The following CDC27 variants were observed in gnomAD, a reference collection of about 807,000 sequenced individuals.
CDC27 encodes the protein cell division cycle 27, also known as cell division cycle protein 27 homolog.
A neutral mutation model predicts 109.7 loss-of-function variants in CDC27; 27 were observed. That is an observed-to-expected ratio of 0.25 (90% CI 0.18 to 0.34). The LOEUF (loss-of-function observed/expected upper bound fraction) is 0.34. CDC27 is among the 10% of genes least tolerant of loss of function. CDC27 has a pLI of 1.00. For missense variants in CDC27, 579 were observed against 960.2 expected, an observed-to-expected ratio of 0.60 and a Z score of 5.25; for synonymous variants, 266 against 333.9, an observed-to-expected ratio of 0.80 and a Z score of 2.22.
chr17:47,180,633 A>G (rs954831986), intron 2 of CDC27, among the ~76,000 whole-genome samples: 4 of 152,114 alleles, frequency 2.6e-5, no homozygotes, highest in Non-Finnish European at 2.9e-5. Context: ...GCTGTACACA[A>G]TGATCTATAT....
intron 1 of CDC27, among the ~76,000 whole-genome samples, chr17:47,187,171 T>G (rs1357406715): frequency 6.6e-6 from 1 of 152,156 alleles, no homozygotes; most frequent in African/African-American, 2.4e-5. Context: ...AGAAGCAAAT[T>G]TGACATTTAA....
intron 4 of CDC27, 145 bp from the exon 5 acceptor site, chr17:47,158,448 C>A (rs1038636291): frequency 7.3e-5 from 30 of 410,112 alleles, no homozygotes; most frequent in Non-Finnish European, 1.3e-4. Flanking sequence ...TTTCTCCCAT[C>A]TGCTAATCTC....
chr17:47,121,015 C>T lies in CDC27; in HGVS notation c.2395G>A (p.Gly799Arg). Residue 799 changes from glycine (G) to arginine (R), a missense_variant and splice_region_variant, in exon 19 of 19, where the codon GGA becomes AGA. Transcript: ENST00000066544. ...EPITQEEQIM[G>R]TDESQESSMT... is the part of the protein sequence containing the mutation. ...CTGCTCTCCTGGGATTCATCTGTTCCCACTTTAAAAATAAAACAGAAGTCC... is the reference window on the plus strand; with the variant it reads ...CTGCTCTCCTGGGATTCATCTGTTCTCACTTTAAAAATAAAACAGAAGTCC... The T allele has an allele frequency of 6.2e-7, 1 of 1,606,874 alleles. No homozygotes were observed. The highest frequency in any genetic ancestry group is 8.5e-7 in the Non-Finnish European group (1 of 1,174,742).
intron 14 of CDC27, among the ~76,000 whole-genome samples, chr17:47,133,028 T>TATAC (rs1555783886): frequency 0.022 from 656 of 29,496 alleles, 2 homozygotes; most frequent in Non-Finnish European, 0.031. Flanking sequence ...TATATATATA[T>TATAC]ACACACACAC....
At chr17:47,123,387 C>G (rs1405455999) in intron 17 of CDC27, among the ~76,000 whole-genome samples, 2 of 147,230 alleles carry the variant, frequency 1.4e-5, no homozygotes, top group Non-Finnish European at 3.0e-5. Context: ...TCATGTTCTT[C>G]TACTTTTTTT....
At chr17:47,152,753 A>G (rs1162681650) in intron 8 of CDC27, among the ~76,000 whole-genome samples, 3 of 152,232 alleles carry the variant, frequency 2.0e-5, no homozygotes, top group Non-Finnish European at 2.9e-5. Flanking sequence ...ACCTTATTTT[A>G]GCCTTTCCTG....
intron 16 of CDC27, among the ~76,000 whole-genome samples, chr17:47,129,136 A>G (rs2062239155): frequency 6.6e-6 from 1 of 152,194 alleles, no homozygotes; most frequent in African/African-American, 2.4e-5. Flanking sequence ...TAACTTTAAG[A>G]TAACTACCTG....
chr17:47,132,748 TTATTATTA>T (rs1278405071), intron 14 of CDC27, among the ~76,000 whole-genome samples: 26 of 76,368 alleles, frequency 3.4e-4, no homozygotes, highest in Non-Finnish European at 6.8e-4. Flanking sequence ...CAGTTTATTA[TTATTATTA>T]TTATTATTAT....
intron 2 of CDC27, among the ~76,000 whole-genome samples, chr17:47,174,968 AACAGG>A (rs779367027): frequency 1.4e-3 from 161 of 116,152 alleles, no homozygotes; most frequent in Middle Eastern, 0.013. Flanking sequence ...GGACTATCGA[AACAGG>A]ACAGGACAGG....
At chr17:47,148,069 A>C (rs2148887481) in intron 9 of CDC27, among the ~76,000 whole-genome samples, 1 of 148,976 alleles carries the variant, frequency 6.7e-6, no homozygotes, top group East Asian at 2.0e-4. Context: ...GCAGTGGCAC[A>C]TGCCTGTAAT....
chr17:47,129,590 A>T, intron 15 of CDC27, 69 bp from the exon 16 acceptor site: 1 of 1,063,382 alleles, frequency 9.4e-7, no homozygotes, highest in East Asian at 2.4e-5. Context: ...AACCAACGTG[A>T]CTCAAAACCA....
chr17:47,169,003 T>C (rs1179160339), intron 4 of CDC27, among the ~76,000 whole-genome samples: 1 of 150,544 alleles, frequency 6.6e-6, no homozygotes, highest in Non-Finnish European at 1.5e-5. Flanking sequence ...TTCTTTTTTT[T>C]TTTTTGGAAA....
chr17:47,169,862 T>C (rs1214815189), intron 4 of CDC27, 55 bp downstream of exon 4: 2 of 1,458,684 alleles, frequency 1.4e-6, no homozygotes, highest in African/African-American at 1.4e-5. Flanking sequence ...TTTTAAACTA[T>C]AAAACATACT....
chr17:47,167,933 T>A (rs1023100296), intron 4 of CDC27, among the ~76,000 whole-genome samples: 2 of 152,116 alleles, frequency 1.3e-5, no homozygotes, highest in Non-Finnish European at 2.9e-5. Context: ...CTATTCAGGT[T>A]TGATGAATTT....
rs563908224 is a variant in CDC27 at position 47,185,271 on chromosome 17, T to C, written c.28-3634A>G. Among the ~76,000 whole-genome samples, 626 of 152,160 alleles carry C rather than the reference T, an allele frequency of 4.1e-3. 9 individuals are homozygous for C. The highest frequency in any genetic ancestry group is 0.013 in the African/African-American group (530 of 41,536). ...TCGGCTCACTGCAAGCTCCACCTCCTGGGTTCACGCCATTCTCCTGCCTCA... is the reference window on the plus strand; with the variant it reads ...TCGGCTCACTGCAAGCTCCACCTCCCGGGTTCACGCCATTCTCCTGCCTCA... On this transcript the variant is annotated intron_variant, in intron 1 of 18. Transcript: ENST00000066544.
At chr17:47,159,986 C>A in intron 4 of CDC27, 1 of 253,018 alleles carries the variant, frequency 4.0e-6, no homozygotes, top group Non-Finnish European at 7.6e-6. Flanking sequence ...GATGCCACTG[C>A]TGAAACCTCT....
At chr17:47,156,638 G>T in intron 7 of CDC27, 1 of 213,524 alleles carries the variant, frequency 4.7e-6, no homozygotes, top group Non-Finnish European at 9.2e-6. Context: ...AGTAGAGACA[G>T]GGTTTCACCA....
At chr17:47,176,244 T>C (rs2064001794) in intron 2 of CDC27, among the ~76,000 whole-genome samples, 1 of 152,142 alleles carries the variant, frequency 6.6e-6, no homozygotes, top group South Asian at 2.1e-4. Context: ...TTTTTTTTTT[T>C]CTGTTTTCAA....
intron 16 of CDC27, 59 bp from the exon 17 acceptor site, chr17:47,124,019 G>A (rs187208573): frequency 2.4e-5 from 27 of 1,118,310 alleles, no homozygotes; most frequent in Admixed American, 1.8e-4. Context: ...TTGACCAAGC[G>A]TTTTTACTTA....
Sources: gnomAD v4.1 joint callset for allele counts (sites outside exome capture counted in the v4.1 genomes callset) on GRCh38, gnomAD v4.1.1 for gene constraint, MANE v1.5 for transcripts, NCBI Gene and HGNC (gene_info 2026-07-23, HGNC 2026-07-21) for gene names.